PPARA: variants seen among roughly 807,000 people sequenced by gnomAD.
The protein encoded by PPARA is peroxisome proliferator-activated receptor alpha.
PPARA carries 22 observed loss-of-function variants against 42.2 expected under a neutral mutation model. The ratio of observed to expected loss-of-function variants is 0.52; its 90% CI spans 0.37 to 0.74. PPARA has a LOEUF of 0.74. PPARA is among the 30% of genes least tolerant of loss of function. The probability of loss-of-function intolerance (pLI) is 0.00; values close to 1 mark genes in which losing one functional copy is unlikely to be tolerated. For missense variants in PPARA, 465 were observed against 608.2 expected (o/e 0.76, Z 2.48); for synonymous variants, 242 against 239.3 (o/e 1.01, Z -0.10).
chr22:46,154,092 A>G (rs1442005147), intron 2 of PPARA, among the ~76,000 whole-genome samples: 2 of 152,200 alleles, frequency 1.3e-5, no homozygotes, highest in Non-Finnish European at 1.5e-5. Flanking sequence ...CAGTCATTCT[A>G]TAAATATTGA....
At position 46,231,843 on chromosome 22, in the gene PPARA, GT is replaced by G; in HGVS notation, c.764del (p.Val255GlyfsTer48). The G allele has an allele frequency of 6.2e-7, 1 of 1,614,012 alleles. No individual in the cohort carries two copies. Among genetic ancestry groups the G allele is most frequent in the Non-Finnish European group, 8.5e-7 (1 of 1,179,992 alleles). ...ETLCMAEKTL[V>X]AKLVANGIQN... ...ACTGTGTATGGCTGAGAAGACGCTG[GT>G]GGCCAAGCTGGTGGCCAATGGCATC... is the stretch of plus-strand genomic sequence containing the variant. On this transcript the variant is annotated frameshift_variant, in exon 8 of 9. Transcript: ENST00000407236. LOFTEE classifies it high-confidence loss of function. The surrounding 1 kb of genome is among the most constrained non-coding windows in gnomAD (Gnocchi z 7.7).
intron 2 of PPARA, among the ~76,000 whole-genome samples, chr22:46,168,092 C>T (rs1927352475): frequency 6.6e-6 from 1 of 151,726 alleles, no homozygotes. Flanking sequence ...GTGGCTCACG[C>T]CTGTAATCCC....
chr22:46,218,460 C>T, intron 6 of PPARA, 59 bp downstream of exon 6: 1 of 1,604,738 alleles, frequency 6.2e-7, no homozygotes, highest in Non-Finnish European at 8.5e-7. Context: ...CTTCCTTGCT[C>T]CAAGGGAACA....
rs534494835 is a variant in PPARA at position 46,170,928 on chromosome 22, G to A, written c.-126-5825G>A. 1.4e-4 allele frequency among the ~76,000 whole-genome samples: 22 copies of A among 151,886 alleles called. 1 individual carries two copies. In the South Asian group the frequency reaches 2.5e-3, roughly 17 times the overall value. ...TGTAATCCCAGCACTTTGGGAGGCC[G>A]AGACAGCAGATCACCTGAGGTCAGG... is the stretch of plus-strand genomic sequence containing the variant. On this transcript the variant is annotated intron_variant, in intron 2 of 8. Coordinates refer to ENST00000407236, the MANE Select transcript of PPARA (RefSeq NM_005036.6).
Position 46,191,767 on chromosome 22 carries a change from C to T in PPARA, c.-42-6575C>T, listed in dbSNP as rs905106807. 6.6e-6 allele frequency among the ~76,000 whole-genome samples: 1 copy of T among 152,038 alleles called. No homozygotes were observed. Among genetic ancestry groups the T allele is most frequent in the African/African-American group, 2.4e-5 (1 of 41,406 alleles). ...TCCCAAGAGCTCCTTCTGTGCAGATCGTTAGAAATAGATATTGAGGCCAGG... is the reference window on the plus strand; with the variant it reads ...TCCCAAGAGCTCCTTCTGTGCAGATTGTTAGAAATAGATATTGAGGCCAGG... On this transcript the variant is annotated intron_variant, in intron 3 of 8. Transcript: ENST00000407236. The surrounding 1 kb of genome is among the most constrained non-coding windows in gnomAD (Gnocchi z 4.6).
At chr22:46,197,768 G>T (rs933871821) in intron 3 of PPARA, among the ~76,000 whole-genome samples, 24 of 152,068 alleles carry the variant, frequency 1.6e-4, no homozygotes, top group African/African-American at 5.5e-4. Flanking sequence ...GCTGGGCGTG[G>T]TGGCGGGCAC....
rs1936010807 is a variant in PPARA at position 46,233,314 on chromosome 22, G to A, written c.1159+1075G>A. Reference sequence around the variant, plus strand: ...CGATCTGGTCCTCTCTGTGGAAGCTGGCTCTGCAGCCTCCACATTTTTGGC... The same window carrying A: ...CGATCTGGTCCTCTCTGTGGAAGCTAGCTCTGCAGCCTCCACATTTTTGGC... On this transcript the variant is annotated intron_variant, in intron 8 of 8. Transcript: ENST00000407236. This position sits in a 1 kb window ranked among gnomAD's most constrained non-coding sequence, Gnocchi z 7.3. Among the ~76,000 whole-genome samples the A allele has an allele frequency of 6.6e-6, 1 of 152,172 alleles. No homozygotes were observed. Among genetic ancestry groups the A allele is most frequent in the South Asian group, 2.1e-4 (1 of 4,830 alleles).
At chr22:46,177,021 T>G (rs145915958) in intron 3 of PPARA, among the ~76,000 whole-genome samples, 185 bp downstream of exon 3, 1 of 152,142 alleles carries the variant, frequency 6.6e-6, no homozygotes, top group South Asian at 2.1e-4. Flanking sequence ...CCATCCTGGC[T>G]AACACAGTGA....
rs3840962 is a variant in PPARA at position 46,242,731 on chromosome 22, G to GCACACACACACACACACA, written c.*7364_*7381dup. 1 of 132,700 alleles carries GCACACACACACACACACA rather than the reference G, an allele frequency of 7.5e-6. No homozygotes were observed. The highest frequency in any genetic ancestry group is 2.5e-5 in the African/African-American group (1 of 39,858). 8.2% of individuals were successfully genotyped at this position (132,700 alleles called of 1,614,324 possible). On this transcript the variant is annotated 3_prime_UTR_variant, in exon 9 of 9. Coordinates refer to ENST00000407236, the MANE Select transcript of PPARA (RefSeq NM_005036.6). This position sits in a 1 kb window ranked among gnomAD's most constrained non-coding sequence, Gnocchi z 6.1. Reference sequence around the variant, plus strand: ...AAATACACTGCGTACACGTGTGCGTGCACACACACACACACACACACACAC... The same window carrying GCACACACACACACACACA: ...AAATACACTGCGTACACGTGTGCGTGCACACACACACACACACACACACACACACACACACACACACAC...
At chr22:46,198,192 T>G (rs8135547) in intron 3 of PPARA, 150 bp from the exon 4 acceptor site, 1 of 218,938 alleles carries the variant, frequency 4.6e-6, no homozygotes, top group African/African-American at 2.5e-5. Context: ...GAGCCGAGAT[T>G]GTGCCCCTGC....
intron 2 of PPARA, among the ~76,000 whole-genome samples, chr22:46,159,816 G>C (rs998217638): frequency 1.3e-5 from 2 of 152,210 alleles, no homozygotes; most frequent in East Asian, 1.9e-4. Context: ...TGAAGCCAAG[G>C]ATCCTTGAGA....
At chr22:46,215,036 C>T (rs1034164534) in intron 4 of PPARA, 137 bp from the exon 5 acceptor site, 5 of 1,043,554 alleles carry the variant, frequency 4.8e-6, no homozygotes, top group Admixed American at 2.0e-5. Context: ...AGGCAGGGCC[C>T]GGCCCCGCAT....
At chr22:46,206,590 C>A (rs1943675201) in intron 4 of PPARA, among the ~76,000 whole-genome samples, 1 of 152,114 alleles carries the variant, frequency 6.6e-6, no homozygotes, top group Non-Finnish European at 1.5e-5. Context: ...AACTTTATGA[C>A]AGTATACTTT....
At chr22:46,170,218 A>C (rs952343316) in intron 2 of PPARA, among the ~76,000 whole-genome samples, 4 of 150,794 alleles carry the variant, frequency 2.7e-5, no homozygotes, top group African/African-American at 9.7e-5. Context: ...AAATGATGTA[A>C]GTGTGTTTTT....
rs1028903132 is a variant in PPARA, at chr22:46,232,308, G to T, written c.1159+69G>T. On this transcript the variant is annotated intron_variant, in intron 8 of 8. Transcript: ENST00000407236. The surrounding 1 kb of genome is among the most constrained non-coding windows in gnomAD (Gnocchi z 5.3). ...CTCCTGTCTTGAAAAATTTGACAAT[G>T]GGAAATCCAGTACCAGCCTGAGCTG... 18 of 1,514,832 alleles carry T rather than the reference G, an allele frequency of 1.2e-5. No individual in the cohort carries two copies. The highest frequency in any genetic ancestry group is 1.6e-5 in the Non-Finnish European group (17 of 1,092,086). 93.8% of individuals were successfully genotyped at this position (1,514,832 alleles called of 1,614,324 possible).
chr22:46,202,400 A>G (rs1932881642), intron 4 of PPARA, among the ~76,000 whole-genome samples: 1 of 152,180 alleles, frequency 6.6e-6, no homozygotes. Flanking sequence ...TAAAAGCCAC[A>G]TTTAACCCAA....
At chr22:46,186,983 C>T (rs1380735377) in intron 3 of PPARA, among the ~76,000 whole-genome samples, 6 of 152,154 alleles carry the variant, frequency 3.9e-5, no homozygotes, top group African/African-American at 7.2e-5. Context: ...GTCTCTTCCT[C>T]TCTCTCTCAG....
chr22:46,220,083 A>T (rs1432728033), intron 7 of PPARA, 69 bp downstream of exon 7: 1 of 1,528,954 alleles, frequency 6.5e-7, no homozygotes, highest in Non-Finnish European at 9.0e-7. Flanking sequence ...ACGATTAAGG[A>T]CACATGTGTT....
At position 46,211,515 on chromosome 22, in the gene PPARA, C is replaced by T. The variant is rs1233484571; in HGVS notation, c.209-3658C>T. Reference sequence around the variant, plus strand: ...TTCCCCTGAGATTGTTTCCTACATTCGTAGCACAGTTAGATTGTTTTGTTA... The same window carrying T: ...TTCCCCTGAGATTGTTTCCTACATTTGTAGCACAGTTAGATTGTTTTGTTA... On this transcript the variant is annotated intron_variant, in intron 4 of 8. Transcript: ENST00000407236. The surrounding 1 kb of genome is among the most constrained non-coding windows in gnomAD (Gnocchi z 4.1). Among the ~76,000 whole-genome samples the T allele has an allele frequency of 2.0e-5, 3 of 152,208 alleles. No homozygotes were observed. Among genetic ancestry groups the T allele is most frequent in the Non-Finnish European group, 2.9e-5 (2 of 68,042 alleles).
Sources: allele counts gnomAD v4.1 joint callset (sites outside exome capture counted in the v4.1 genomes callset), GRCh38; gene constraint gnomAD v4.1.1; non-coding constraint Gnocchi (gnomAD v3.1); transcripts MANE v1.5; gene names NCBI Gene and HGNC (gene_info 2026-07-23, HGNC 2026-07-21).